The following RNF152 variants were observed in gnomAD, a reference collection of about 807,000 sequenced individuals.
RNF152 encodes E3 ubiquitin-protein ligase RNF152.
A neutral mutation model predicts 12.7 loss-of-function variants in RNF152; 11 were observed. That is an observed-to-expected ratio of 0.86 (90% CI 0.54 to 1.43). The LOEUF (loss-of-function observed/expected upper bound fraction) is 1.43, where lower values mean the gene tolerates loss of function less well. Ranked by LOEUF, RNF152 falls within the 40% of genes most tolerant of loss-of-function variation. RNF152 has a pLI of 0.00. For missense variants in RNF152, 255 were observed against 274.8 expected, an observed-to-expected ratio of 0.93 and a Z score of 0.51; for synonymous variants, 113 against 120.3, an observed-to-expected ratio of 0.94 and a Z score of 0.40.
At chr18:61,852,746 C>G (rs1034268483) in intron 1 of RNF152, among the ~76,000 whole-genome samples, 2 of 152,128 alleles carry the variant, frequency 1.3e-5, no homozygotes, top group Non-Finnish European at 2.9e-5. Flanking sequence ...CTTTTAAAAG[C>G]TCTCCAGGTG....
chr18:61,846,892 T>C (rs995757414), intron 1 of RNF152, among the ~76,000 whole-genome samples: 2 of 152,162 alleles, frequency 1.3e-5, no homozygotes, highest in Admixed American at 1.3e-4. Context: ...CTAGTCTGGA[T>C]TTGAGTCCCA....
chr18:61,833,599 A>G (rs1001653769), intron 1 of RNF152, among the ~76,000 whole-genome samples: 3 of 152,226 alleles, frequency 2.0e-5, no homozygotes, highest in African/African-American at 2.4e-5. Context: ...TCTAGGGCTA[A>G]CATAACTGAA....
chr18:61,816,035 T>G lies in RNF152; in HGVS notation c.429A>C (p.Gln143His), dbSNP rs1203897174. ...VTIPAEQQPL[Q>H]GGAPQEAVEE... Reference sequence around the variant, plus strand: ...CCACCGCCTCCTGGGGAGCCCCACCTTGCAGAGGCTGCTGTTCAGCAGGGA... The same window carrying G: ...CCACCGCCTCCTGGGGAGCCCCACCGTGCAGAGGCTGCTGTTCAGCAGGGA... The change falls in exon 2 of 2, where the codon CAA becomes CAC. Residue 143 changes from glutamine to histidine, a missense_variant. Gln to His is a conservative substitution (Grantham distance 24). Transcript: ENST00000312828. 5.0e-6 allele frequency: 8 copies of G among 1,614,070 alleles called. No homozygotes were observed. Among genetic ancestry groups the G allele is most frequent in the Non-Finnish European group, 6.8e-6 (8 of 1,180,028 alleles).
At chr18:61,858,372 C>T (rs1911317336) in intron 1 of RNF152, among the ~76,000 whole-genome samples, 1 of 151,634 alleles carries the variant, frequency 6.6e-6, no homozygotes, top group Non-Finnish European at 1.5e-5. Context: ...TCCCTGAGAT[C>T]CAGCCACTTG....
intron 1 of RNF152, among the ~76,000 whole-genome samples, chr18:61,842,135 G>A (rs1232120896): frequency 6.6e-6 from 1 of 152,192 alleles, no homozygotes; most frequent in Non-Finnish European, 1.5e-5. Flanking sequence ...TTTACCACAA[G>A]TTGATCATAT....
intron 1 of RNF152, among the ~76,000 whole-genome samples, chr18:61,867,506 T>C (rs1188016588): frequency 6.6e-6 from 1 of 151,852 alleles, no homozygotes; most frequent in Non-Finnish European, 1.5e-5. Flanking sequence ...GTTTTTATAG[T>C]TGTTTCCTGG....
At chr18:61,865,397 A>G (rs185881107) in intron 1 of RNF152, among the ~76,000 whole-genome samples, 5 of 152,346 alleles carry the variant, frequency 3.3e-5, no homozygotes, top group Admixed American at 6.5e-5. Context: ...TAATAACTAC[A>G]GCTTGAGAAT....
chr18:61,867,683 C>T (rs558491828), intron 1 of RNF152, among the ~76,000 whole-genome samples: 2 of 152,180 alleles, frequency 1.3e-5, no homozygotes, highest in South Asian at 2.1e-4. Context: ...TCCACATCGC[C>T]GGCCTCACCA....
chr18:61,816,350 G>T lies in RNF152; in HGVS notation c.114C>A (p.Cys38Ter). Residue 38 changes from cysteine to a stop codon, truncating the protein, a stop_gained, in exon 2 of 2, where the codon TGC becomes TGA. Coordinates refer to ENST00000312828, the MANE Select transcript of RNF152 (RefSeq NM_173557.3). LOFTEE classifies it high-confidence loss of function. ...LDCKHTCCSV[C>*]LQQMRTSQKD... The stretch of plus-strand genomic sequence containing the variant: ...TCTGGCTGGTCCTCATCTGCTGCAG[G>T]CACACTGAACAGCAGGTGTGCTTGC... 6.2e-7 allele frequency: 1 copy of T among 1,614,228 alleles called. No homozygotes were observed. The highest frequency in any genetic ancestry group is 8.5e-7 in the Non-Finnish European group (1 of 1,180,044).
chr18:61,866,248 C>T (rs1364800820), intron 1 of RNF152, among the ~76,000 whole-genome samples: 2 of 152,180 alleles, frequency 1.3e-5, no homozygotes, highest in Admixed American at 6.5e-5. Flanking sequence ...TGCTTCTAGA[C>T]AGCGAGTCGG....
chr18:61,888,127 C>T (rs1228174667), intron 1 of RNF152: 6 of 152,186 alleles, frequency 3.9e-5, no homozygotes, highest in African/African-American at 1.2e-4. Context: ...ATAAGGCATC[C>T]TCTCCACTCC....
intron 1 of RNF152, among the ~76,000 whole-genome samples, chr18:61,861,777 G>A (rs948965740): frequency 6.6e-6 from 1 of 152,208 alleles, no homozygotes; most frequent in Admixed American, 6.5e-5. Context: ...GAGAGAGGAA[G>A]CAAGGGTGAG....
intron 1 of RNF152, among the ~76,000 whole-genome samples, chr18:61,829,281 G>A (rs1401602706): frequency 6.6e-6 from 1 of 152,096 alleles, no homozygotes; most frequent in African/African-American, 2.4e-5. Flanking sequence ...GGTGTGCAGT[G>A]TGACAGTTCT....
intron 1 of RNF152, among the ~76,000 whole-genome samples, chr18:61,843,078 C>G (rs1022815072): frequency 1.3e-5 from 2 of 152,228 alleles, no homozygotes; most frequent in Non-Finnish European, 2.9e-5. Context: ...AAATGTCTTG[C>G]ATTTTAAAGT....
intron 1 of RNF152, among the ~76,000 whole-genome samples, chr18:61,842,356 G>C (rs1004811082): frequency 4.6e-5 from 7 of 152,160 alleles, no homozygotes; most frequent in Non-Finnish European, 7.3e-5. Flanking sequence ...CCACACACCA[G>C]ACATAAAAGC....
intron 1 of RNF152, among the ~76,000 whole-genome samples, chr18:61,886,629 G>A (rs1014378675): frequency 6.6e-6 from 1 of 152,192 alleles, no homozygotes; most frequent in African/African-American, 2.4e-5. Context: ...GCACTAAGCA[G>A]GTCCAGGGTG....
chr18:61,818,251 T>C (rs1412719629), intron 1 of RNF152, among the ~76,000 whole-genome samples: 2 of 151,870 alleles, frequency 1.3e-5, no homozygotes, highest in East Asian at 1.9e-4. Flanking sequence ...GGTGAAACCC[T>C]ATCTCTACAA....
intron 1 of RNF152, among the ~76,000 whole-genome samples, chr18:61,831,470 A>C (rs558185822): frequency 2.7e-4 from 41 of 152,306 alleles, no homozygotes; most frequent in African/African-American, 9.6e-4. Flanking sequence ...CCAGGATGAA[A>C]ATGCTTCCTG....
intron 1 of RNF152, among the ~76,000 whole-genome samples, chr18:61,833,002 A>C (rs190321784): frequency 1.2e-3 from 187 of 152,352 alleles, no homozygotes; most frequent in African/African-American, 4.2e-3. Context: ...AAGCAGAAGA[A>C]ACAGTAAGGC....
Sources: allele counts gnomAD v4.1 joint callset (sites outside exome capture counted in the v4.1 genomes callset), GRCh38; gene constraint gnomAD v4.1.1; transcripts MANE v1.5; gene names NCBI Gene and HGNC (gene_info 2026-07-23, HGNC 2026-07-21).